Variants in SGMS1 observed in about 807,000 individuals in gnomAD.
The protein encoded by SGMS1 is phosphatidylcholine:ceramide cholinephosphotransferase 1.
In SGMS1, 13 loss-of-function variants were observed where a neutral mutation model predicts 46.2. The observed-to-expected ratio is 0.28, with a 90% confidence interval of 0.18 to 0.45. The LOEUF (loss-of-function observed/expected upper bound fraction) is 0.45, where lower values mean the gene tolerates loss of function less well. Ranked by LOEUF, SGMS1 falls within the 20% of genes least tolerant of loss-of-function variation. The pLI, the probability that SGMS1 is intolerant of heterozygous loss-of-function variation, is 1.00. For synonymous variants in SGMS1, 203 were observed against 187.8 expected (o/e 1.08, Z -0.66); for missense variants, 324 against 519.9 (o/e 0.62, Z 3.66).
In SGMS1 at chr10:50,485,228, C is replaced by T. The variant is rs763086988; in HGVS notation, c.-497-18296G>A. Among the ~76,000 whole-genome samples, 16 of 152,228 alleles carry T rather than the reference C, an allele frequency of 1.1e-4. No individual in the cohort carries two copies. In the South Asian group the frequency reaches 1.7e-3, roughly 16 times the overall value. On this transcript the variant is annotated intron_variant, in intron 3 of 10. Coordinates refer to ENST00000361781, the MANE Select transcript of SGMS1 (RefSeq NM_147156.4). ...GGATACAAAATCAATGTCTAAAAGT[C>T]GCTAGCATTCCTATACACCAACAGC...
chr10:50,436,868 G>T (rs1849480203), intron 5 of SGMS1, among the ~76,000 whole-genome samples: 1 of 152,112 alleles, frequency 6.6e-6, no homozygotes, highest in Admixed American at 6.5e-5. Context: ...GAAGAATTTG[G>T]GCTTCCTCTA....
chr10:50,407,753 A>T (rs1328894980), intron 6 of SGMS1, among the ~76,000 whole-genome samples: 1 of 151,596 alleles, frequency 6.6e-6, no homozygotes, highest in Non-Finnish European at 1.5e-5. Flanking sequence ...TACTTCTAGG[A>T]TTCAAAGTTT....
chr10:50,476,097 C>CAAAAAA lies in SGMS1; in HGVS notation c.-497-9171_-497-9166dup, dbSNP rs58641986. On this transcript the variant is annotated intron_variant, in intron 3 of 10. Transcript: ENST00000361781. Reference sequence around the variant, plus strand: ...TAAAATCTTGTCTTTACTAAAAATACAAAAAAAAAAAAAAAAAAAAAAAAA... The same window carrying CAAAAAA: ...TAAAATCTTGTCTTTACTAAAAATACAAAAAAAAAAAAAAAAAAAAAAAAAAAAAAA... Among the ~76,000 whole-genome samples the CAAAAAA allele has an allele frequency of 6.7e-4, 29 of 43,324 alleles. 4 individuals are homozygous for CAAAAAA. The highest frequency in any genetic ancestry group is 0.043 in the Middle Eastern group (2 of 46). The allele number at this position is 43,324 out of a possible 152,430, so 28.4% of individuals were successfully genotyped here.
intron 3 of SGMS1, among the ~76,000 whole-genome samples, chr10:50,515,613 A>G (rs1250124318): frequency 1.7e-4 from 26 of 152,220 alleles, no homozygotes; most frequent in Non-Finnish European, 5.9e-5. Flanking sequence ...CTGGCACAGA[A>G]GGCTAGGCAA....
At chr10:50,549,402 G>A (rs1354613907) in intron 2 of SGMS1, among the ~76,000 whole-genome samples, 1 of 152,170 alleles carries the variant, frequency 6.6e-6, no homozygotes, top group Non-Finnish European at 1.5e-5. Flanking sequence ...GGACACACAT[G>A]GCATTGGAAG....
intron 7 of SGMS1, among the ~76,000 whole-genome samples, chr10:50,330,347 T>C (rs961231398): frequency 1.3e-5 from 2 of 148,410 alleles, no homozygotes; most frequent in African/African-American, 4.9e-5. Flanking sequence ...TAGCTGGACA[T>C]GGTGGCATGC....
chr10:50,359,540 T>G (rs1056811814), intron 6 of SGMS1, among the ~76,000 whole-genome samples: 1 of 152,212 alleles, frequency 6.6e-6, no homozygotes, highest in Non-Finnish European at 1.5e-5. Context: ...AATACTGTTT[T>G]ATACATTTCA....
At chr10:50,391,870 T>C (rs1848774269) in intron 6 of SGMS1, among the ~76,000 whole-genome samples, 1 of 145,652 alleles carries the variant, frequency 6.9e-6, no homozygotes, top group Non-Finnish European at 1.5e-5. Flanking sequence ...AATGAGATCA[T>C]GTCCTTTGCA....
At chr10:50,468,725 T>C (rs1211168592) in intron 3 of SGMS1, among the ~76,000 whole-genome samples, 1 of 152,180 alleles carries the variant, frequency 6.6e-6, no homozygotes, top group East Asian at 1.9e-4. Flanking sequence ...TCACAAGTAC[T>C]TTCAAAAAGC....
intron 3 of SGMS1, among the ~76,000 whole-genome samples, chr10:50,510,610 G>GTTTTTTTTTT (rs3054271): frequency 6.7e-6 from 1 of 149,080 alleles, no homozygotes; most frequent in Non-Finnish European, 1.5e-5. Context: ...GTATCTCTGT[G>GTTTTTTTTTT]TTTTTTTTTT....
At chr10:50,545,725 T>C (rs992562239) in intron 2 of SGMS1, among the ~76,000 whole-genome samples, 1 of 152,082 alleles carries the variant, frequency 6.6e-6, no homozygotes, top group East Asian at 1.9e-4. Context: ...ACGTGAGCCA[T>C]GATGCCCAGC....
At chr10:50,612,155 G>A (rs16906634) in intron 1 of SGMS1, among the ~76,000 whole-genome samples, 5,928 of 152,222 alleles carry the variant, frequency 0.039, 393 homozygotes, top group African/African-American at 0.13. Flanking sequence ...TGACTATTGG[G>A]AACTCCCTTC....
intron 3 of SGMS1, among the ~76,000 whole-genome samples, chr10:50,501,711 G>A (rs1025818769): frequency 2.0e-5 from 3 of 152,110 alleles, no homozygotes; most frequent in African/African-American, 7.2e-5. Context: ...TCCTGATAGG[G>A]CGTTCTGTCC....
At chr10:50,391,936 A>C (rs1488616051) in intron 6 of SGMS1, among the ~76,000 whole-genome samples, 1 of 152,120 alleles carries the variant, frequency 6.6e-6, no homozygotes, top group African/African-American at 2.4e-5. Context: ...CAGGAGCAGA[A>C]AACCAAATAG....
intron 6 of SGMS1, among the ~76,000 whole-genome samples, chr10:50,430,135 A>C (rs1297047748): frequency 6.6e-6 from 1 of 152,052 alleles, no homozygotes; most frequent in African/African-American, 2.4e-5. Context: ...GTGTCCCCTA[A>C]GCACTCCTCC....
chr10:50,386,518 CA>C (rs1848684853), intron 6 of SGMS1, among the ~76,000 whole-genome samples: 1 of 152,206 alleles, frequency 6.6e-6, no homozygotes, highest in Admixed American at 6.6e-5. Context: ...TATGTCCTCT[CA>C]ATGCCTAAGT....
intron 3 of SGMS1, among the ~76,000 whole-genome samples, chr10:50,494,897 A>G (rs1365980404): frequency 2.0e-5 from 3 of 151,674 alleles, no homozygotes; most frequent in East Asian, 1.9e-4. Flanking sequence ...TTAGCCGGGC[A>G]TAGTGGCGGG....
intron 2 of SGMS1, among the ~76,000 whole-genome samples, chr10:50,528,067 G>T (rs1837920547): frequency 6.6e-6 from 1 of 152,214 alleles, no homozygotes; most frequent in African/African-American, 2.4e-5. Flanking sequence ...CTGCTATTTT[G>T]CTTCAAGATT....
intron 6 of SGMS1, among the ~76,000 whole-genome samples, chr10:50,359,718 CTA>C (rs769147239): frequency 3.3e-5 from 5 of 151,562 alleles, no homozygotes; most frequent in Non-Finnish European, 7.4e-5. Context: ...TCTAAAAGCT[CTA>C]GAGTAGAAAT....
Sources: gnomAD v4.1 joint callset for allele counts (sites outside exome capture counted in the v4.1 genomes callset) on GRCh38, gnomAD v4.1.1 for gene constraint, MANE v1.5 for transcripts, NCBI Gene and HGNC (gene_info 2026-07-23, HGNC 2026-07-21) for gene names.